OVOL2: variants seen among roughly 807,000 people sequenced by gnomAD.
OVOL2 encodes transcription factor Ovo-like 2.
In OVOL2, 13 loss-of-function variants were observed where a neutral mutation model predicts 18.1. The observed-to-expected ratio is 0.72, with a 90% CI of 0.47 to 1.14. The LOEUF is 1.14. Among genes scored for constraint, OVOL2 ranks in the 50% most tolerant of loss-of-function variants. The pLI is 0.00. For missense variants in OVOL2, 335 were observed against 383.0 expected (o/e 0.87, Z 1.05); for synonymous variants, 166 against 162.7 (o/e 1.02, Z -0.16).
At chr20:18,051,616 G>C (rs2036771997) in intron 2 of OVOL2, among the ~76,000 whole-genome samples, 1 of 152,148 alleles carries the variant, frequency 6.6e-6, no homozygotes, top group Non-Finnish European at 1.5e-5. Flanking sequence ...AGGGAGAGTT[G>C]CATTATCCAA....
chr20:18,038,024 T>A (rs1157564770), intron 3 of OVOL2, among the ~76,000 whole-genome samples: 2 of 152,224 alleles, frequency 1.3e-5, no homozygotes, highest in African/African-American at 2.4e-5. Context: ...AACGCCCAGC[T>A]GAAAGACTAC....
In OVOL2 at chr20:18,057,536, T is replaced by A. The variant is rs1358016131; in HGVS notation, c.99A>T (p.Pro33=). The A allele has an allele frequency of 5.2e-6, 8 of 1,535,476 alleles. No homozygotes were observed. The highest frequency in any genetic ancestry group is 1.4e-5 in the African/African-American group (1 of 70,632). Residue 33 remains proline, a splice_region_variant and synonymous_variant, in exon 1 of 4, where the codon CCA becomes CCT. Coordinates refer to ENST00000278780, the MANE Select transcript of OVOL2 (RefSeq NM_021220.4). This position sits in a 1 kb window ranked among gnomAD's most constrained non-coding sequence, Gnocchi z 6.3. ...PDEKRADTYI[P]VGLGRLLHDP... is the part of the protein sequence containing the mutation. ...GGCCCGGCCCCCGCGCGCGCTCACC[T>A]GGGATGTAGGTGTCTGCCCTTTTCT...
chr20:18,028,774 T>A (rs192438095), intron 3 of OVOL2, among the ~76,000 whole-genome samples: 1 of 151,782 alleles, frequency 6.6e-6, no homozygotes, highest in African/African-American at 2.4e-5. Flanking sequence ...GCCTGGGCAA[T>A]AGAGCGAGAC....
rs2036834693 is a variant in OVOL2, at chr20:18,056,964, G to A, written c.101-87C>T. The A allele has an allele frequency of 1.8e-5, 25 of 1,359,566 alleles. No individual in the cohort carries two copies. Among genetic ancestry groups the A allele is most frequent in the Non-Finnish European group, 2.3e-5 (24 of 1,058,712 alleles). 84.2% of individuals were successfully genotyped at this position (1,359,566 alleles called of 1,614,324 possible). On this transcript the variant is annotated intron_variant, in intron 1 of 3. Transcript: ENST00000278780. This position sits in a 1 kb window ranked among gnomAD's most constrained non-coding sequence, Gnocchi z 4.2. ...AGTTTGACCTGCGGGCGGTGCTGCC[G>A]CCGCCCCGCCCCGGACCTGGGCACC...
intron 3 of OVOL2, among the ~76,000 whole-genome samples, chr20:18,026,628 C>T (rs563896620): frequency 6.6e-6 from 1 of 152,210 alleles, no homozygotes; most frequent in East Asian, 1.9e-4. Context: ...TGATCTGCCC[C>T]CCTCGGCCTC....
At chr20:18,044,720 C>A (rs556389359) in intron 2 of OVOL2, among the ~76,000 whole-genome samples, 1 of 152,020 alleles carries the variant, frequency 6.6e-6, no homozygotes, top group Non-Finnish European at 1.5e-5. Context: ...CCCAGGGGTC[C>A]GAGGGGGCAC....
intron 2 of OVOL2, among the ~76,000 whole-genome samples, chr20:18,048,028 C>T (rs1268278743): frequency 2.6e-5 from 4 of 151,930 alleles, no homozygotes; most frequent in African/African-American, 9.7e-5. Context: ...TGGCTCCTGC[C>T]TGTAATCCCA....
At chr20:18,031,740 G>T (rs903411621) in intron 3 of OVOL2, among the ~76,000 whole-genome samples, 2 of 152,324 alleles carry the variant, frequency 1.3e-5, no homozygotes, top group Middle Eastern at 6.8e-3. Context: ...GGAGAGGGGG[G>T]ACTGCTTTCG....
chr20:18,057,482 C>G lies in OVOL2; in HGVS notation c.100+53G>C, dbSNP rs1266600946. 3 of 1,536,274 alleles carry G rather than the reference C, an allele frequency of 2.0e-6. No homozygotes were observed. The East Asian group carries it at 7.4e-5, about 38-fold the overall frequency. ...GATGAGCAGAGAAGACCCGCCACCCCTTCCCCCACCCCGGGAGCCCAGCGC... is the reference window on the plus strand; with the variant it reads ...GATGAGCAGAGAAGACCCGCCACCCGTTCCCCCACCCCGGGAGCCCAGCGC... On this transcript the variant is annotated intron_variant, in intron 1 of 3. Transcript: ENST00000278780. This position sits in a 1 kb window ranked among gnomAD's most constrained non-coding sequence, Gnocchi z 6.3.
At chr20:18,036,358 C>G (rs561864851) in intron 3 of OVOL2, among the ~76,000 whole-genome samples, 48 of 152,162 alleles carry the variant, frequency 3.2e-4, no homozygotes, top group Non-Finnish European at 5.0e-4. Context: ...CAACTTGAAA[C>G]TTAGTGTCTC....
rs1018171732 is a variant in OVOL2, at chr20:18,057,230, G to C, written c.100+305C>G. Among the ~76,000 whole-genome samples the C allele has an allele frequency of 6.6e-6, 1 of 152,070 alleles. No individual in the cohort carries two copies. Among genetic ancestry groups the C allele is most frequent in the Admixed American group, 6.5e-5 (1 of 15,286 alleles). On this transcript the variant is annotated intron_variant, in intron 1 of 3. Transcript: ENST00000278780. The surrounding 1 kb of genome is among the most constrained non-coding windows in gnomAD (Gnocchi z 6.3). Reference sequence around the variant, plus strand: ...AGCCTTTGTGCACCCCCATGAGGACGTGAGATTGGGGGTAGCCTCTGCTGG... The same window carrying C: ...AGCCTTTGTGCACCCCCATGAGGACCTGAGATTGGGGGTAGCCTCTGCTGG...
At chr20:18,031,223 G>A (rs906620791) in intron 3 of OVOL2, among the ~76,000 whole-genome samples, 1 of 152,168 alleles carries the variant, frequency 6.6e-6, no homozygotes, top group Non-Finnish European at 1.5e-5. Flanking sequence ...GGGGGCGGCT[G>A]CTCCAGCCCG....
At chr20:18,048,999 G>A (rs191947662) in intron 2 of OVOL2, among the ~76,000 whole-genome samples, 19 of 152,268 alleles carry the variant, frequency 1.2e-4, no homozygotes, top group African/African-American at 4.3e-4. Context: ...GCTTATTAAC[G>A]AGGTGGGGAA....
intron 2 of OVOL2, among the ~76,000 whole-genome samples, chr20:18,042,349 T>C (rs1479845529): frequency 6.6e-6 from 1 of 152,192 alleles, no homozygotes; most frequent in Admixed American, 6.5e-5. Context: ...CTTGTTGAAA[T>C]GTGATCCCCA....
chr20:18,037,150 A>AAAG (rs1555795022), intron 3 of OVOL2, among the ~76,000 whole-genome samples: 3 of 147,146 alleles, frequency 2.0e-5, no homozygotes, highest in Non-Finnish European at 4.5e-5. Context: ...AAAAAAAAAA[A>AAAG]AAAGAAAGAA....
chr20:18,035,583 G>T (rs2036608663), intron 3 of OVOL2, among the ~76,000 whole-genome samples: 1 of 152,182 alleles, frequency 6.6e-6, no homozygotes, highest in South Asian at 2.1e-4. Flanking sequence ...CCACATTTTT[G>T]CACTTTGTAC....
At chr20:18,037,064 A>C (rs1436864845) in intron 3 of OVOL2, among the ~76,000 whole-genome samples, 1 of 146,992 alleles carries the variant, frequency 6.8e-6, no homozygotes, top group African/African-American at 2.5e-5. Context: ...TGAACCTGGG[A>C]GGCGGAGCTT....
At chr20:18,049,414 A>G (rs1371091760) in intron 2 of OVOL2, among the ~76,000 whole-genome samples, 1 of 152,164 alleles carries the variant, frequency 6.6e-6, no homozygotes, top group African/African-American at 2.4e-5. Context: ...CATTTAGTTA[A>G]TGGTCTATGG....
At chr20:18,058,404 A>AC (rs11326055), upstream of OVOL2, among the ~76,000 whole-genome samples, 38,516 of 127,484 alleles carry the variant, frequency 0.3, 5,234 homozygotes, top group East Asian at 0.37. Flanking sequence ...CAGCTACAAC[A>AC]CCCCCCCCCC....
Sources: allele counts gnomAD v4.1 joint callset (sites outside exome capture counted in the v4.1 genomes callset), GRCh38; gene constraint gnomAD v4.1.1; non-coding constraint Gnocchi (gnomAD v3.1); transcripts MANE v1.5; gene names NCBI Gene and HGNC (gene_info 2026-07-23, HGNC 2026-07-21).